Variants in SLIT3 observed in about 807,000 individuals in gnomAD.
SLIT3 encodes the protein slit guidance ligand 3.
In SLIT3, 68 loss-of-function variants were observed where a neutral mutation model predicts 184.0. The ratio of observed to expected loss-of-function variants is 0.37; its 90% confidence interval spans 0.30 to 0.45. The LOEUF is 0.45. SLIT3 is among the 20% of genes least tolerant of loss of function. SLIT3 has a pLI of 1.00. For synonymous variants in SLIT3, 831 were observed against 828.6 expected (o/e 1.00, Z -0.05); for missense variants, 1,707 against 2,026.0 (o/e 0.84, Z 3.02).
At chr5:169,144,431 G>T (rs772627160) in intron 4 of SLIT3, among the ~76,000 whole-genome samples, 38 of 152,162 alleles carry the variant, frequency 2.5e-4, no homozygotes, top group Non-Finnish European at 3.7e-4. Context: ...ATTTATTTGG[G>T]TTATTGCTTC....
chr5:168,735,341 A>G (rs1287540458), intron 20 of SLIT3, among the ~76,000 whole-genome samples: 1 of 152,006 alleles, frequency 6.6e-6, no homozygotes, highest in Non-Finnish European at 1.5e-5. Context: ...AGAGGGAGGG[A>G]AGCCACCTTC....
chr5:168,703,874 A>G (rs1232633963), intron 26 of SLIT3, among the ~76,000 whole-genome samples: 1 of 146,878 alleles, frequency 6.8e-6, no homozygotes, highest in Admixed American at 7.0e-5. Context: ...GAACCCAGGA[A>G]GCAGAGGTTG....
At chr5:168,990,719 T>G (rs183717585) in intron 4 of SLIT3, among the ~76,000 whole-genome samples, 1 of 152,288 alleles carries the variant, frequency 6.6e-6, no homozygotes, top group East Asian at 1.9e-4. Flanking sequence ...TGTGTGCAGG[T>G]ACAGGGACCT....
chr5:168,783,203 G>A (rs1388179956), intron 12 of SLIT3, among the ~76,000 whole-genome samples: 2 of 152,144 alleles, frequency 1.3e-5, no homozygotes, highest in Non-Finnish European at 2.9e-5. Context: ...TGAGGCTCCA[G>A]GGGACCAAGG....
intron 4 of SLIT3, among the ~76,000 whole-genome samples, chr5:169,044,592 G>C (rs1249165541): frequency 6.6e-6 from 1 of 151,432 alleles, no homozygotes; most frequent in Non-Finnish European, 1.5e-5. Flanking sequence ...GAAGGTGGGG[G>C]GGGGGATGGG....
intron 4 of SLIT3, among the ~76,000 whole-genome samples, chr5:168,893,080 T>C (rs1286880511): frequency 2.6e-5 from 4 of 152,222 alleles, no homozygotes; most frequent in African/African-American, 9.7e-5. Context: ...GTCTTCACAT[T>C]GTGTGCAGAA....
At chr5:168,921,547 T>C (rs2113125595) in intron 4 of SLIT3, among the ~76,000 whole-genome samples, 1 of 152,372 alleles carries the variant, frequency 6.6e-6, no homozygotes, top group South Asian at 2.1e-4. Context: ...ATTAGTTCTC[T>C]TTTATTAAAA....
chr5:168,843,422 A>G (rs2938761), intron 6 of SLIT3, among the ~76,000 whole-genome samples: 20,099 of 152,038 alleles, frequency 0.13, 1,733 homozygotes, highest in South Asian at 0.26. Context: ...TGACTGTGTA[A>G]TTTTTTATTT....
intron 30 of SLIT3, 38 bp from the exon 31 acceptor site, chr5:168,685,965 A>C (rs1348377315): frequency 6.3e-7 from 1 of 1,575,022 alleles, no homozygotes; most frequent in Non-Finnish European, 8.6e-7. Context: ...AGATAGGAGA[A>C]TGGCCAAGAG....
intron 1 of SLIT3, among the ~76,000 whole-genome samples, chr5:169,292,137 C>G (rs553390658): frequency 6.6e-5 from 10 of 152,282 alleles, no homozygotes; most frequent in African/African-American, 2.4e-4. Context: ...GTGCCCGATG[C>G]CAATGTGTAC....
intron 35 of SLIT3, among the ~76,000 whole-genome samples, chr5:168,668,359 GATGTCAGTGGTGCTGGTCA>G (rs1761121690): frequency 1.3e-5 from 2 of 152,136 alleles, no homozygotes; most frequent in Non-Finnish European, 2.9e-5. Flanking sequence ...ACTCCCAGGT[GATGTCAGTGGTGCTGGTCA>G]ATGTCAGGGG....
chr5:169,107,465 G>GA (rs1246953373), intron 4 of SLIT3, among the ~76,000 whole-genome samples: 1 of 152,170 alleles, frequency 6.6e-6, no homozygotes, highest in East Asian at 1.9e-4. Flanking sequence ...CTGAAGGCTT[G>GA]AAAAAAATTA....
intron 4 of SLIT3, chr5:169,030,359 C>CT (rs1367488344): frequency 6.6e-6 from 1 of 152,230 alleles, no homozygotes; most frequent in Non-Finnish European, 1.5e-5. Context: ...TTCCCACCCA[C>CT]TCTCACCCTC....
intron 30 of SLIT3, among the ~76,000 whole-genome samples, chr5:168,686,232 C>T (rs558972205): frequency 3.0e-4 from 46 of 152,260 alleles, no homozygotes; most frequent in Middle Eastern, 3.4e-3. Flanking sequence ...AGCAAGACTC[C>T]GGCTCCAAGA....
intron 4 of SLIT3, among the ~76,000 whole-genome samples, chr5:168,909,958 T>G (rs1038824552): frequency 2.0e-5 from 3 of 152,218 alleles, no homozygotes; most frequent in Non-Finnish European, 4.4e-5. Context: ...TTGCACAACC[T>G]GCTTTAAACC....
At chr5:168,910,762 A>G (rs987142451) in intron 4 of SLIT3, among the ~76,000 whole-genome samples, 5 of 151,978 alleles carry the variant, frequency 3.3e-5, no homozygotes, top group Admixed American at 6.6e-5. Context: ...AAAAAAAAGA[A>G]AAAAGAAGAA....
intron 4 of SLIT3, among the ~76,000 whole-genome samples, chr5:169,109,964 A>C (rs1161196851): frequency 6.6e-6 from 1 of 152,116 alleles, no homozygotes; most frequent in Non-Finnish European, 1.5e-5. Context: ...TCCTCTTTTC[A>C]TCCTCATGGA....
At chr5:168,936,523 G>A (rs1361327891) in intron 4 of SLIT3, among the ~76,000 whole-genome samples, 1 of 152,120 alleles carries the variant, frequency 6.6e-6, no homozygotes, top group African/African-American at 2.4e-5. Flanking sequence ...GTGAGCCACC[G>A]CGCCTGGTAG....
At chr5:169,189,631 T>A (rs1763482264) in intron 4 of SLIT3, among the ~76,000 whole-genome samples, 1 of 144,186 alleles carries the variant, frequency 6.9e-6, no homozygotes, top group African/African-American at 2.6e-5. Context: ...AATAAGAGCA[T>A]TGATTGAGGC....
Sources: gnomAD v4.1 joint callset for allele counts (sites outside exome capture counted in the v4.1 genomes callset) on GRCh38, gnomAD v4.1.1 for gene constraint, MANE v1.5 for transcripts, NCBI Gene and HGNC (gene_info 2026-07-23, HGNC 2026-07-21) for gene names.